FYN: variants seen among roughly 807,000 people sequenced by gnomAD.
FYN encodes tyrosine-protein kinase Fyn.
FYN carries 10 observed loss-of-function variants against 70.2 expected under a neutral mutation model. The observed-to-expected ratio is 0.14, with a 90% CI of 0.09 to 0.24. FYN has a LOEUF of 0.24. Ranked by LOEUF, FYN falls within the 10% of genes least tolerant of loss-of-function variation. The pLI is 1.00. For synonymous variants in FYN, 236 were observed against 248.6 expected (o/e 0.95, Z 0.48); for missense variants, 319 against 673.1 (o/e 0.47, Z 5.82).
At chr6:111,736,247 T>A (rs561325147) in intron 3 of FYN, among the ~76,000 whole-genome samples, 31 of 152,316 alleles carry the variant, frequency 2.0e-4, no homozygotes, top group African/African-American at 7.0e-4. Flanking sequence ...CAAATACGAA[T>A]GTCTTTATCA....
At chr6:111,726,468 C>A (rs1801197776) in intron 3 of FYN, among the ~76,000 whole-genome samples, 1 of 152,098 alleles carries the variant, frequency 6.6e-6, no homozygotes, top group African/African-American at 2.4e-5. Flanking sequence ...CCACACTTTA[C>A]AAGGGAGGAA....
chr6:111,870,854 G>A (rs1192788100), intron 1 of FYN, among the ~76,000 whole-genome samples: 1 of 152,160 alleles, frequency 6.6e-6, no homozygotes, highest in Admixed American at 6.5e-5. Flanking sequence ...CTTAAACTTG[G>A]TCAACAGAGT....
intron 2 of FYN, among the ~76,000 whole-genome samples, chr6:111,828,958 A>G (rs1772924508): frequency 6.6e-6 from 1 of 152,256 alleles, no homozygotes; most frequent in Non-Finnish European, 1.5e-5. Flanking sequence ...AGGACTTCTC[A>G]GAGCCTTTAA....
chr6:111,841,266 T>C (rs1773350189), intron 2 of FYN, among the ~76,000 whole-genome samples: 1 of 152,172 alleles, frequency 6.6e-6, no homozygotes, highest in African/African-American at 2.4e-5. Context: ...CTTTTCAAGG[T>C]TTCCAATTGT....
chr6:111,664,951 C>A (rs1451341516), intron 13 of FYN, among the ~76,000 whole-genome samples: 1 of 152,228 alleles, frequency 6.6e-6, no homozygotes, highest in Non-Finnish European at 1.5e-5. Context: ...CTGCAACGGG[C>A]TGACCTGCAG....
At chr6:111,818,152 A>G (rs1271941995) in intron 2 of FYN, among the ~76,000 whole-genome samples, 2 of 152,190 alleles carry the variant, frequency 1.3e-5, no homozygotes, top group Admixed American at 6.5e-5. Context: ...AATAAGCTAT[A>G]TATTTTGGTC....
chr6:111,841,764 G>A (rs947292174), intron 2 of FYN, among the ~76,000 whole-genome samples: 24 of 151,578 alleles, frequency 1.6e-4, no homozygotes, highest in African/African-American at 4.8e-4. Context: ...AATTTAGAAT[G>A]TCTAGGAAGA....
At chr6:111,775,946 G>C (rs1323403565) in intron 3 of FYN, among the ~76,000 whole-genome samples, 1 of 152,124 alleles carries the variant, frequency 6.6e-6, no homozygotes, top group African/African-American at 2.4e-5. Flanking sequence ...TCAGAATTTA[G>C]GTAAAAGCAT....
intron 2 of FYN, among the ~76,000 whole-genome samples, chr6:111,804,864 T>C (rs141227915): frequency 3.0e-4 from 46 of 152,338 alleles, no homozygotes; most frequent in African/African-American, 1.1e-3. Flanking sequence ...GATGCTGCTC[T>C]AGGCTTCGCT....
At chr6:111,827,525 T>A (rs1472321896) in intron 2 of FYN, among the ~76,000 whole-genome samples, 1 of 152,160 alleles carries the variant, frequency 6.6e-6, no homozygotes, top group Non-Finnish European at 1.5e-5. Context: ...TAATGCCCCC[T>A]TTTGGGTCAC....
At chr6:111,771,674 T>C (rs1290530238) in intron 3 of FYN, among the ~76,000 whole-genome samples, 3 of 152,268 alleles carry the variant, frequency 2.0e-5, no homozygotes, top group Non-Finnish European at 4.4e-5. Context: ...ACAGCAGTAA[T>C]GCTGGTGCTG....
rs148135487 is a variant in FYN at position 111,694,949 on chromosome 6, A to G, written c.1043-245T>C. Reference sequence around the variant, plus strand: ...TTCTAGGAATAACAACATATATTTGATAAAACTAGAAGAAATGGGACTCAA... The same window carrying G: ...TTCTAGGAATAACAACATATATTTGGTAAAACTAGAAGAAATGGGACTCAA... On this transcript the variant is annotated intron_variant, in intron 10 of 13. Coordinates refer to ENST00000354650, the MANE Select transcript of FYN (RefSeq NM_002037.5). The surrounding 1 kb of genome is among the most constrained non-coding windows in gnomAD (Gnocchi z 5.0). Among the ~76,000 whole-genome samples, 8 of 152,334 alleles carry G rather than the reference A, an allele frequency of 5.3e-5. No homozygotes were observed. The highest frequency in any genetic ancestry group is 3.9e-4 in the East Asian group (2 of 5,178).
intron 2 of FYN, among the ~76,000 whole-genome samples, chr6:111,783,319 G>A (rs1291270019): frequency 6.6e-6 from 1 of 152,166 alleles, no homozygotes; most frequent in African/African-American, 2.4e-5. Context: ...AAGTGGGGGT[G>A]TACTCTCCCT....
rs370462414 is a variant in FYN at position 111,723,806 on chromosome 6, G to T, written c.-11-3744C>A. On this transcript the variant is annotated intron_variant, in intron 3 of 13. Coordinates refer to ENST00000354650, the MANE Select transcript of FYN (RefSeq NM_002037.5). ...ATGTCCAATGCTGTAAGTGCATCGTGACATAGAATGTACTAATTCACTTGC... is the reference window on the plus strand; with the variant it reads ...ATGTCCAATGCTGTAAGTGCATCGTTACATAGAATGTACTAATTCACTTGC... Among the ~76,000 whole-genome samples, 18 of 152,210 alleles carry T rather than the reference G, an allele frequency of 1.2e-4. 1 individual carries two copies. In the East Asian group the frequency reaches 2.1e-3, roughly 18 times the overall value.
intron 3 of FYN, among the ~76,000 whole-genome samples, chr6:111,720,619 C>T (rs769043327): frequency 1.2e-4 from 19 of 152,070 alleles, no homozygotes; most frequent in Non-Finnish European, 2.6e-4. Flanking sequence ...TAAGATGATG[C>T]TAAGTATCAA....
rs552756357 is a variant in FYN, at chr6:111,785,049, T to C, written c.-81-4414A>G. Among the ~76,000 whole-genome samples, 50 of 152,344 alleles carry C rather than the reference T, an allele frequency of 3.3e-4. 1 individual carries two copies. The highest frequency in any genetic ancestry group is 1.2e-3 in the African/African-American group (50 of 41,582). ...CTAACTTCTTAGCCACAAGAGCATATTTCTGGGGTTAGGTTTGTTGTATTG... is the reference window on the plus strand; with the variant it reads ...CTAACTTCTTAGCCACAAGAGCATACTTCTGGGGTTAGGTTTGTTGTATTG... On this transcript the variant is annotated intron_variant, in intron 2 of 13. Transcript: ENST00000354650.
chr6:111,797,422 T>C (rs113058208), intron 2 of FYN, among the ~76,000 whole-genome samples: 342 of 152,028 alleles, frequency 2.2e-3, no homozygotes, highest in African/African-American at 7.6e-3. Flanking sequence ...CCAAACCTAG[T>C]AATCCTTTCA....
chr6:111,838,803 A>G (rs1302305451), intron 2 of FYN, among the ~76,000 whole-genome samples: 1 of 152,218 alleles, frequency 6.6e-6, no homozygotes, highest in Non-Finnish European at 1.5e-5. Context: ...GGATGGTGTT[A>G]TCACTTGCCT....
intron 3 of FYN, among the ~76,000 whole-genome samples, chr6:111,760,212 C>G (rs1802942660): frequency 6.6e-6 from 1 of 152,132 alleles, no homozygotes; most frequent in African/African-American, 2.4e-5. Context: ...GAAAAAAAAG[C>G]TGACAGCCTG....
Sources: allele counts gnomAD v4.1 joint callset (sites outside exome capture counted in the v4.1 genomes callset), GRCh38; gene constraint gnomAD v4.1.1; non-coding constraint Gnocchi (gnomAD v3.1); transcripts MANE v1.5; gene names NCBI Gene and HGNC (gene_info 2026-07-23, HGNC 2026-07-21).